The following CPLX1 variants were observed in gnomAD, a reference collection of about 807,000 sequenced individuals.
CPLX1 encodes the protein complexin 1, also known as complexin-1.
Under a neutral mutation model 15.6 loss-of-function variants are expected in CPLX1, and 6 were observed. That is an observed-to-expected ratio of 0.39 (90% CI 0.21 to 0.76). The LOEUF is 0.76. Among genes scored for constraint, CPLX1 ranks in the 30% least tolerant of loss-of-function variants. The pLI is 0.43. For missense variants in CPLX1, 242 were observed against 188.6 expected (o/e 1.28, Z -1.66); for synonymous variants, 91 against 75.2 (o/e 1.21, Z -1.08).
chr4:788,694 C>G (rs940654843), intron 3 of CPLX1, among the ~76,000 whole-genome samples: 1 of 152,062 alleles, frequency 6.6e-6, no homozygotes, highest in Non-Finnish European at 1.5e-5. Context: ...AGCATGTGCT[C>G]TTCGTCCTGT....
Position 792,506 on chromosome 4 carries a change from T to G in CPLX1, c.134A>C (p.Glu45Ala). Residue 45 changes from glutamate (E) to alanine (A), a missense_variant, in exon 3 of 4, where the codon GAG becomes GCG. By Grantham distance (107) the Glu-to-Ala change is moderately radical (BLOSUM62 -1). Coordinates refer to ENST00000304062, the MANE Select transcript of CPLX1 (RefSeq NM_006651.4). ...EERQEALRQA[E>A]EERKAKYAKM... ...GGCGTACTTGGCCTTGCGCTCCTCC[T>G]CCGCCTGGCGCAGCGCCTCCTGCCG... 6.2e-7 allele frequency: 1 copy of G among 1,613,102 alleles called. No individual in the cohort carries two copies. The highest frequency in any genetic ancestry group is 8.5e-7 in the Non-Finnish European group (1 of 1,179,704).
At chr4:794,083 G>T (rs1309438992) in intron 2 of CPLX1, among the ~76,000 whole-genome samples, 2 of 152,250 alleles carry the variant, frequency 1.3e-5, no homozygotes, top group Non-Finnish European at 1.5e-5. Context: ...AGCTATCTGT[G>T]CCAGTGCTGC....
chr4:821,106 G>A (rs547367847), intron 2 of CPLX1, among the ~76,000 whole-genome samples: 28 of 152,304 alleles, frequency 1.8e-4, no homozygotes, highest in African/African-American at 6.5e-4. Flanking sequence ...ACCCAACAGC[G>A]TACCACTCTC....
At chr4:823,894 C>T (rs776705730) in intron 2 of CPLX1, among the ~76,000 whole-genome samples, 7 of 152,264 alleles carry the variant, frequency 4.6e-5, no homozygotes, top group East Asian at 1.9e-4. Context: ...CTGCACGTCC[C>T]GCCTGGGAGG....
chr4:791,239 C>T (rs887605550), intron 3 of CPLX1, among the ~76,000 whole-genome samples: 7 of 151,826 alleles, frequency 4.6e-5, no homozygotes, highest in African/African-American at 1.2e-4. Context: ...ACAGCAAAGT[C>T]GATCAACAGG....
chr4:821,697 GC>G (rs1418463005), intron 2 of CPLX1, among the ~76,000 whole-genome samples: 1 of 152,160 alleles, frequency 6.6e-6, no homozygotes, highest in East Asian at 1.9e-4. Flanking sequence ...GGGAGGCCCG[GC>G]CCCAGTTCAA....
chr4:791,630 C>T (rs1746178220), intron 3 of CPLX1, among the ~76,000 whole-genome samples: 1 of 152,188 alleles, frequency 6.6e-6, no homozygotes, highest in South Asian at 2.1e-4. Flanking sequence ...CTTCCCACCC[C>T]GAAGCCAGGC....
chr4:789,691 G>T (rs1746109854), intron 3 of CPLX1, among the ~76,000 whole-genome samples: 1 of 152,206 alleles, frequency 6.6e-6, no homozygotes, highest in African/African-American at 2.4e-5. Flanking sequence ...GGCCTGTCCA[G>T]ATGGCTGCCT....
intron 2 of CPLX1, among the ~76,000 whole-genome samples, chr4:806,994 T>G (rs542619927): frequency 6.6e-6 from 1 of 152,336 alleles, no homozygotes; most frequent in South Asian, 2.1e-4. Flanking sequence ...CAAAGGAATA[T>G]AAATCATTCT....
intron 2 of CPLX1, among the ~76,000 whole-genome samples, chr4:808,885 G>A (rs1418300884): frequency 6.6e-6 from 1 of 152,234 alleles, no homozygotes; most frequent in Non-Finnish European, 1.5e-5. Flanking sequence ...TAATTCCAAT[G>A]ATATTTAGAA....
rs537866638 is a variant in CPLX1 at position 803,599 on chromosome 4, G to A, written c.32-10991C>T. On this transcript the variant is annotated intron_variant, in intron 2 of 3. Coordinates refer to ENST00000304062, the MANE Select transcript of CPLX1 (RefSeq NM_006651.4). Reference sequence around the variant, plus strand: ...TTTTTAGTAGAGACGGGGTTTCACCGTGGTCTCGATCTCCTGACCTCGTGA... The same window carrying A: ...TTTTTAGTAGAGACGGGGTTTCACCATGGTCTCGATCTCCTGACCTCGTGA... 1.3e-4 allele frequency among the ~76,000 whole-genome samples: 20 copies of A among 148,638 alleles called. 1 individual carries two copies. In the South Asian group the frequency reaches 2.3e-3, roughly 17 times the overall value.
chr4:811,812 A>C (rs2152647076), intron 2 of CPLX1, among the ~76,000 whole-genome samples: 1 of 152,290 alleles, frequency 6.6e-6, no homozygotes, highest in African/African-American at 2.4e-5. Flanking sequence ...TCTCCAGCTC[A>C]AACAGTGGGT....
At chr4:816,217 T>TC (rs1341889135) in intron 2 of CPLX1, among the ~76,000 whole-genome samples, 2 of 146,576 alleles carry the variant, frequency 1.4e-5, no homozygotes, top group South Asian at 4.5e-4. Flanking sequence ...CGTGAAATTT[T>TC]TTTTTTTTTT....
chr4:788,251 G>T, intron 3 of CPLX1: 1 of 985,270 alleles, frequency 1.0e-6, no homozygotes, highest in Non-Finnish European at 1.2e-6. Flanking sequence ...CCTCCCAAAT[G>T]GAGGGGGGGC....
chr4:810,266 G>C (rs1275040475), intron 2 of CPLX1, among the ~76,000 whole-genome samples: 3 of 151,494 alleles, frequency 2.0e-5, no homozygotes, highest in Non-Finnish European at 4.4e-5. Flanking sequence ...AGCCAGGATG[G>C]TCTCGATCTC....
intron 2 of CPLX1, among the ~76,000 whole-genome samples, chr4:823,492 G>A (rs779418159): frequency 1.1e-4 from 17 of 152,202 alleles, no homozygotes; most frequent in Admixed American, 2.0e-4. Flanking sequence ...CTCACTCCAA[G>A]GTGTGAATGG....
Position 801,569 on chromosome 4 carries a change from T to C in CPLX1, c.32-8961A>G, listed in dbSNP as rs536990902. ...GGTACGCAAATACTCACCACTGTGTTACAACTTCCGTGCCATTCAGGCAGT... is the reference window on the plus strand; with the variant it reads ...GGTACGCAAATACTCACCACTGTGTCACAACTTCCGTGCCATTCAGGCAGT... On this transcript the variant is annotated intron_variant, in intron 2 of 3. Coordinates refer to ENST00000304062, the MANE Select transcript of CPLX1 (RefSeq NM_006651.4). Among the ~76,000 whole-genome samples the C allele has an allele frequency of 3.3e-5, 5 of 152,310 alleles. No individual in the cohort carries two copies. In the South Asian group the frequency reaches 1.0e-3, roughly 32 times the overall value.
Position 786,382 on chromosome 4 carries a change from C to T in CPLX1, c.*119G>A, listed in dbSNP as rs1745988671. 1.7e-6 allele frequency: 2 copies of T among 1,170,708 alleles called. No homozygotes were observed. The highest frequency in any genetic ancestry group is 2.3e-6 in the Non-Finnish European group (2 of 875,552). The allele number at this position is 1,170,708 out of a possible 1,614,324, so 72.5% of individuals were successfully genotyped here. A position where few individuals can be genotyped will look rare whatever the true frequency, so the allele number is the denominator to read the frequency against. The stretch of plus-strand genomic sequence containing the variant: ...AGGCGGCGGGCGCGGGCAGGGCGGG[C>T]CTGGGGCTATGGCTTATATCGGCGT... On this transcript the variant is annotated 3_prime_UTR_variant, in exon 4 of 4. Transcript: ENST00000304062.
chr4:805,944 C>T (rs1746547625), intron 2 of CPLX1, among the ~76,000 whole-genome samples: 1 of 151,910 alleles, frequency 6.6e-6, no homozygotes, highest in South Asian at 2.1e-4. Context: ...GTGCGAGGGG[C>T]TGGGGGAAGG....
Sources: gnomAD v4.1 joint callset for allele counts (sites outside exome capture counted in the v4.1 genomes callset) on GRCh38, gnomAD v4.1.1 for gene constraint, MANE v1.5 for transcripts, NCBI Gene and HGNC (gene_info 2026-07-23, HGNC 2026-07-21) for gene names.